The following MINDY4 variants were observed in gnomAD, a reference collection of about 807,000 sequenced individuals.
MINDY4 encodes MINDY lysine 48 deubiquitinase 4, also known as probable ubiquitin carboxyl-terminal hydrolase MINDY-4.
In MINDY4, 68 loss-of-function variants were observed where a neutral mutation model predicts 87.0. The observed-to-expected ratio is 0.78, with a 90% CI of 0.64 to 0.96. The LOEUF (loss-of-function observed/expected upper bound fraction) is 0.96, where lower values mean the gene tolerates loss of function less well. Among genes scored for constraint, MINDY4 ranks in the 40% least tolerant of loss-of-function variants. The probability of loss-of-function intolerance (pLI) is 0.00; values close to 1 mark genes in which losing one functional copy is unlikely to be tolerated. For missense variants in MINDY4, 919 were observed against 928.2 expected, an observed-to-expected ratio of 0.99 and a Z score of 0.13; for synonymous variants, 379 against 363.2, an observed-to-expected ratio of 1.04 and a Z score of -0.50.
At chr7:30,876,280 G>T (rs954553772) in intron 15 of MINDY4, among the ~76,000 whole-genome samples, 1 of 152,064 alleles carries the variant, frequency 6.6e-6, no homozygotes, top group South Asian at 2.1e-4. Flanking sequence ...TTCTCCCTTT[G>T]TGTCTTTTCT....
intron 5 of MINDY4, among the ~76,000 whole-genome samples, chr7:30,801,318 C>T (rs1787643606): frequency 6.6e-6 from 1 of 152,164 alleles, no homozygotes; most frequent in African/African-American, 2.4e-5. Context: ...TATTAAGGTT[C>T]AAAATCTGAC....
chr7:30,863,329 A>G (rs1488380010), intron 13 of MINDY4, among the ~76,000 whole-genome samples: 1 of 152,156 alleles, frequency 6.6e-6, no homozygotes, highest in Non-Finnish European at 1.5e-5. Context: ...CAAATACAGC[A>G]TGTGTATGTG....
chr7:30,880,204 C>A (rs896362733), intron 15 of MINDY4, among the ~76,000 whole-genome samples: 1 of 152,116 alleles, frequency 6.6e-6, no homozygotes, highest in African/African-American at 2.4e-5. Flanking sequence ...ATTCACAACC[C>A]CCGCCCTAGA....
At chr7:30,836,608 T>C in intron 6 of MINDY4, 50 bp from the exon 7 acceptor site, 4 of 1,443,410 alleles carry the variant, frequency 2.8e-6, no homozygotes, top group Non-Finnish European at 3.9e-6. Context: ...TCATGTTCTG[T>C]TCTCCGTGAG....
chr7:30,777,820 G>A (rs752307525), intron 1 of MINDY4, among the ~76,000 whole-genome samples: 2 of 152,224 alleles, frequency 1.3e-5, no homozygotes, highest in Non-Finnish European at 2.9e-5. Context: ...AGGCACTTGC[G>A]AACAGGACCC....
Position 30,853,475 on chromosome 7 carries a change from T to TA in MINDY4, c.1677+17dup. 3 of 1,595,630 alleles carry TA rather than the reference T, an allele frequency of 1.9e-6. No homozygotes were observed. The highest frequency in any genetic ancestry group is 2.6e-6 in the Non-Finnish European group (3 of 1,165,466). On this transcript the variant is annotated intron_variant, in intron 12 of 17. Coordinates refer to ENST00000265299, the MANE Select transcript of MINDY4 (RefSeq NM_032222.3). ...CATTCATCAGGTATGAAGCATGCCT[T>TA]ACTCCTGTGGGATGTGCGTCACTAA... is the stretch of plus-strand genomic sequence containing the variant.
chr7:30,771,511 G>T lies in MINDY4; in HGVS notation c.18G>T (p.Val6=). ...CCAGAGCCATGGACAGCCTCTTCGT[G>T]GAGGAGGTGGCCGCCTCCTTGGTCA... MDSLF[V]EEVAASLVRE... Residue 6 remains valine (V), a synonymous_variant, in exon 1 of 18, where the codon GTG becomes GTT. Coordinates refer to ENST00000265299, the MANE Select transcript of MINDY4 (RefSeq NM_032222.3). 6.2e-7 allele frequency: 1 copy of T among 1,605,654 alleles called. No individual in the cohort carries two copies. Among genetic ancestry groups the T allele is most frequent in the Non-Finnish European group, 8.5e-7 (1 of 1,177,230 alleles).
chr7:30,891,850 C>T, intron 17 of MINDY4, 107 bp from the exon 18 acceptor site: 1 of 1,142,058 alleles, frequency 8.8e-7, no homozygotes, highest in African/African-American at 1.5e-5. Flanking sequence ...CCGAACTATT[C>T]AAAGCCTCCA....
At chr7:30,794,533 G>A (rs1361491987) in intron 5 of MINDY4, among the ~76,000 whole-genome samples, 4 of 152,158 alleles carry the variant, frequency 2.6e-5, no homozygotes, top group African/African-American at 9.7e-5. Flanking sequence ...GGTGGAGGAT[G>A]CAACCTGCTG....
intron 2 of MINDY4, among the ~76,000 whole-genome samples, chr7:30,778,823 G>A (rs1035172721): frequency 6.6e-6 from 1 of 152,172 alleles, no homozygotes; most frequent in South Asian, 2.1e-4. Context: ...TCAGCCTCCC[G>A]CAGTTATTCC....
At position 30,850,471 on chromosome 7, in the gene MINDY4, A is replaced by T. The variant is rs1290434624; in HGVS notation, c.1463A>T (p.Asp488Val). 4 of 1,612,326 alleles carry T rather than the reference A, an allele frequency of 2.5e-6. No individual in the cohort carries two copies. The East Asian group carries it at 6.7e-5, about 27-fold the overall frequency. The change falls in exon 10 of 18, where the codon GAT (aspartate) becomes GTT (valine). Residue 488 changes from aspartate to valine, a missense_variant. By Grantham distance (152) the Asp-to-Val change is radical. Transcript: ENST00000265299. Reference sequence around the variant, plus strand: ...GTCCGCAGGGGACTGCAGCCTTCAGATGCCCACCGGACCCGCTGCCTCGTC... The same window carrying T: ...GTCCGCAGGGGACTGCAGCCTTCAGTTGCCCACCGGACCCGCTGCCTCGTC... ...ADCAQGLQPS[D>V]AHRTRCLVLA...
intron 5 of MINDY4, among the ~76,000 whole-genome samples, chr7:30,801,347 C>G (rs2128170926): frequency 6.6e-6 from 1 of 152,298 alleles, no homozygotes; most frequent in South Asian, 2.1e-4. Flanking sequence ...CACACAATAC[C>G]TATTTCCTTT....
Position 30,840,816 on chromosome 7 carries a change from G to A in MINDY4, c.1413G>A (p.Leu471=). 2 of 1,614,186 alleles carry A rather than the reference G, an allele frequency of 1.2e-6. No individual in the cohort carries two copies. Among genetic ancestry groups the A allele is most frequent in the East Asian group, 2.2e-5 (1 of 44,882 alleles). ...AAGGCTGTGTCCTACAGAAACTCCT[G>A]TTTGAAGGAGATAGCAAAGCCGACT... ...AVQGCVLQKL[L]FEGDSKADCA... Residue 471 remains leucine, a synonymous_variant, in exon 9 of 18, where the codon CTG becomes CTA. Transcript: ENST00000265299.
At chr7:30,796,175 T>G (rs1336677155) in intron 5 of MINDY4, among the ~76,000 whole-genome samples, 1 of 151,974 alleles carries the variant, frequency 6.6e-6, no homozygotes, top group Non-Finnish European at 1.5e-5. Context: ...ACTCTCTCAA[T>G]CTCCCTTCTG....
At position 30,852,287 on chromosome 7, in the gene MINDY4, T is replaced by C; in HGVS notation, c.1611+8T>C. 1.2e-6 allele frequency: 2 copies of C among 1,614,046 alleles called. No homozygotes were observed. Among genetic ancestry groups the C allele is most frequent in the South Asian group, 2.2e-5 (2 of 91,044 alleles). On this transcript the variant is annotated splice_region_variant and intron_variant, in intron 11 of 17. Transcript: ENST00000265299. ...GATGGAGTCTTAGAAACAGTACGAC[T>C]TTCTGGAAAATTATCACGCAAACTT...
chr7:30,869,649 C>T (rs901773993), intron 13 of MINDY4, among the ~76,000 whole-genome samples: 1 of 152,156 alleles, frequency 6.6e-6, no homozygotes, highest in African/African-American at 2.4e-5. Flanking sequence ...TCTTCCAAGT[C>T]AGATTGCATT....
chr7:30,806,089 T>G (rs554603578), intron 5 of MINDY4, among the ~76,000 whole-genome samples: 1 of 152,198 alleles, frequency 6.6e-6, no homozygotes, highest in Admixed American at 6.5e-5. Flanking sequence ...AATGAAAGAG[T>G]CAATTCTACT....
At chr7:30,863,729 G>A (rs1425168908) in intron 13 of MINDY4, among the ~76,000 whole-genome samples, 1 of 152,202 alleles carries the variant, frequency 6.6e-6, no homozygotes, top group Admixed American at 6.5e-5. Context: ...AAGAAGAGTC[G>A]AGAAACAGAC....
chr7:30,776,266 C>G (rs1467933564), intron 1 of MINDY4, among the ~76,000 whole-genome samples: 1 of 152,162 alleles, frequency 6.6e-6, no homozygotes, highest in African/African-American at 2.4e-5. Flanking sequence ...ACTTCCTTAC[C>G]TCCTTTCCCC....
Sources: gnomAD v4.1 joint callset for allele counts (sites outside exome capture counted in the v4.1 genomes callset) on GRCh38, gnomAD v4.1.1 for gene constraint, MANE v1.5 for transcripts, NCBI Gene and HGNC (gene_info 2026-07-23, HGNC 2026-07-21) for gene names.